IL6ST: variants seen among roughly 807,000 people sequenced by gnomAD.
The protein encoded by IL6ST is interleukin-6 receptor subunit beta.
A neutral mutation model predicts 91.3 loss-of-function variants in IL6ST; 24 were observed. The observed-to-expected ratio is 0.26, with a 90% confidence interval of 0.19 to 0.37. The LOEUF (loss-of-function observed/expected upper bound fraction) is 0.37. Ranked by LOEUF, IL6ST falls within the 10% of genes least tolerant of loss-of-function variation. The pLI is 1.00. For synonymous variants in IL6ST, 351 were observed against 373.6 expected, an observed-to-expected ratio of 0.94 and a Z score of 0.70; for missense variants, 914 against 1,078.5, an observed-to-expected ratio of 0.85 and a Z score of 2.14.
intron 11 of IL6ST, 45 bp downstream of exon 11, chr5:55,954,765 A>G: frequency 7.0e-7 from 1 of 1,437,320 alleles, no homozygotes; most frequent in Non-Finnish European, 9.5e-7. Context: ...CTGCCTAAAG[A>G]GTTAGAAAAA....
chr5:55,968,160 T>A (rs551391761), intron 5 of IL6ST, 116 bp downstream of exon 5: 82 of 978,186 alleles, frequency 8.4e-5, no homozygotes, highest in Non-Finnish European at 9.6e-5. Flanking sequence ...TGTTACAGAA[T>A]AAAAAATTAA....
chr5:55,994,631 G>A (rs1429514900), intron 1 of IL6ST, among the ~76,000 whole-genome samples, 153 bp downstream of exon 1: 4 of 152,118 alleles, frequency 2.6e-5, no homozygotes, highest in African/African-American at 9.7e-5. Context: ...GGAGCAGGAA[G>A]GGGAAGGAAT....
chr5:55,954,594 A>G (rs1349653684), intron 11 of IL6ST, among the ~76,000 whole-genome samples: 1 of 152,216 alleles, frequency 6.6e-6, no homozygotes, highest in Admixed American at 6.5e-5. Flanking sequence ...ATATTGGGGT[A>G]CAAAAAGAAG....
Position 55,969,730 on chromosome 5 carries a change from A to G in IL6ST, c.190T>C (p.Tyr64His), listed in dbSNP as rs1038880190. Residue 64 changes from tyrosine (Y) to histidine (H), a missense_variant, in exon 4 of 17, where the codon TAC becomes CAC. Coordinates refer to ENST00000381298, the MANE Select transcript of IL6ST (RefSeq NM_002184.4). ...CMDYFHVNAN[Y>H]IVWKTNHFTI... is the part of the protein sequence containing the mutation. ...AAATGGTTTGTTTTCCAGACAATGT[A>G]ATTAGCATTTACATGAAAATAATCC... The G allele has an allele frequency of 5.0e-6, 8 of 1,611,880 alleles. No homozygotes were observed. The highest frequency in any genetic ancestry group is 6.8e-6 in the Non-Finnish European group (8 of 1,178,152).
At position 55,935,718 on chromosome 5, in the gene IL6ST, T is replaced by C. The variant is rs187799556; in HGVS notation, c.*5364A>G. 4.6e-6 allele frequency: 1 copy of C among 217,372 alleles called. No individual in the cohort carries two copies. The highest frequency in any genetic ancestry group is 5.8e-5 in the Admixed American group (1 of 17,204). 13.5% of individuals were successfully genotyped at this position (217,372 alleles called of 1,614,324 possible). The stretch of plus-strand genomic sequence containing the variant: ...TGGAAGAGCCTATACGCAGTTGTAA[T>C]ATATTTCGTATTTTGAAAGTGTAGA... On this transcript the variant is annotated 3_prime_UTR_variant, in exon 17 of 17. Transcript: ENST00000381298.
rs923614315 is a variant in IL6ST, at chr5:55,935,155, T to C, written c.*5927A>G. On this transcript the variant is annotated 3_prime_UTR_variant, in exon 17 of 17. Transcript: ENST00000381298. The stretch of plus-strand genomic sequence containing the variant: ...TGGATTACCACCATATAGCTCACCA[T>C]GTTATCCCAGAAAGACTACAATTTC... 3.9e-5 allele frequency: 7 copies of C among 178,346 alleles called. No homozygotes were observed. Among genetic ancestry groups the C allele is most frequent in the African/African-American group, 1.7e-4 (7 of 42,282 alleles). 11.0% of individuals were successfully genotyped at this position (178,346 alleles called of 1,614,324 possible). A position where few individuals can be genotyped will look rare whatever the true frequency, so the allele number is the denominator to read the frequency against.
intron 4 of IL6ST, 130 bp from the exon 5 acceptor site, chr5:55,968,526 A>C: frequency 1.3e-6 from 1 of 748,096 alleles, no homozygotes; most frequent in South Asian, 1.7e-5. Context: ...AAGTATGGAC[A>C]CAATGAAAGG....
intron 14 of IL6ST, among the ~76,000 whole-genome samples, chr5:55,950,619 C>T (rs1486330703): frequency 1.3e-5 from 2 of 149,326 alleles, no homozygotes; most frequent in African/African-American, 4.9e-5. Flanking sequence ...GGAGACTGTG[C>T]TAGCAGAAAA....
chr5:55,941,150 T>C lies in IL6ST; in HGVS notation c.2689A>G (p.Thr897Ala), dbSNP rs755933713. 1 of 1,614,098 alleles carries C rather than the reference T, an allele frequency of 6.2e-7. No homozygotes were observed. Among genetic ancestry groups the C allele is most frequent in the Non-Finnish European group, 8.5e-7 (1 of 1,179,936 alleles). Reference sequence around the variant, plus strand: ...TAACTTTTAGGCATGCCTTCATCAGTCGCAGCCTCCATGCCAACTGTTTCA... The same window carrying C: ...TAACTTTTAGGCATGCCTTCATCAGCCGCAGCCTCCATGCCAACTGTTTCA... ...RFETVGMEAA[T>A]DEGMPKSYLP... Residue 897 changes from threonine to alanine, a missense_variant, in exon 17 of 17, where the codon ACT becomes GCT. By Grantham distance (58) the Thr-to-Ala change is moderately conservative (BLOSUM62 0). Transcript: ENST00000381298.
At chr5:55,983,599 T>C (rs533714404) in intron 1 of IL6ST, among the ~76,000 whole-genome samples, 5 of 152,210 alleles carry the variant, frequency 3.3e-5, no homozygotes, top group African/African-American at 1.2e-4. Context: ...TCCATTATTG[T>C]TTCATACACA....
chr5:55,963,238 G>T, intron 7 of IL6ST, 114 bp downstream of exon 7: 2 of 740,802 alleles, frequency 2.7e-6, no homozygotes, highest in Non-Finnish European at 4.4e-6. Flanking sequence ...AGGTTATCAA[G>T]CAAAATATTT....
chr5:55,966,148 T>C (rs1752616380), intron 5 of IL6ST, among the ~76,000 whole-genome samples: 1 of 152,192 alleles, frequency 6.6e-6, no homozygotes, highest in Admixed American at 6.5e-5. Context: ...TATATACAAA[T>C]TATAATCACT....
intron 5 of IL6ST, among the ~76,000 whole-genome samples, chr5:55,966,794 TG>T (rs1312470655): frequency 6.6e-6 from 1 of 152,080 alleles, no homozygotes; most frequent in Non-Finnish European, 1.5e-5. Context: ...CTTTTCTGTT[TG>T]GAAAAAACAA....
Position 55,968,355 on chromosome 5 carries a change from C to T in IL6ST, c.412G>A (p.Glu138Lys), listed in dbSNP as rs764426398. The change falls in exon 5 of 17, where the codon GAG becomes AAG. Residue 138 changes from glutamate (E) to lysine (K), a missense_variant. By Grantham distance (56) the Glu-to-Lys change is moderately conservative. Transcript: ENST00000381298. ...CACTCACACCTCATTTTCTTCCCCT[C>T]GTTCACAATGCAACTCAAATTTTTA... ...KPKNLSCIVNEGKKMRCEWDG... is the reference protein window; with the variant it reads ...KPKNLSCIVNKGKKMRCEWDG... The T allele has an allele frequency of 1.9e-6, 3 of 1,610,748 alleles. No homozygotes were observed. Among genetic ancestry groups the T allele is most frequent in the Admixed American group, 1.7e-5 (1 of 59,332 alleles).
chr5:55,947,412 A>G lies in IL6ST; in HGVS notation c.1937+81T>C. 3 of 791,694 alleles carry G rather than the reference A, an allele frequency of 3.8e-6. No homozygotes were observed. In the South Asian group the frequency reaches 4.6e-5, roughly 12 times the overall value. 49.0% of individuals were successfully genotyped at this position (791,694 alleles called of 1,614,324 possible). A position where few individuals can be genotyped will look rare whatever the true frequency, so the allele number is the denominator to read the frequency against. ...CAAAAATTCATCAAACTGTACACTT[A>G]AAATGGATAAATTTTATTGCATGTA... On this transcript the variant is annotated intron_variant, in intron 15 of 16. Transcript: ENST00000381298.
At chr5:55,952,463 C>T (rs1751694287) in intron 11 of IL6ST, 112 bp from the exon 12 acceptor site, 1 of 583,768 alleles carries the variant, frequency 1.7e-6, no homozygotes. Context: ...TCTTTTAAAA[C>T]TGCAGTTTTC....
intron 7 of IL6ST, among the ~76,000 whole-genome samples, chr5:55,962,813 C>A (rs1345354183): frequency 6.6e-6 from 1 of 152,082 alleles, no homozygotes; most frequent in Admixed American, 6.6e-5. Flanking sequence ...TTGTAACACC[C>A]ATCAAAAATG....
intron 3 of IL6ST, among the ~76,000 whole-genome samples, chr5:55,970,135 CT>C (rs1381799505): frequency 2.6e-5 from 4 of 152,178 alleles, no homozygotes; most frequent in Non-Finnish European, 5.9e-5. Flanking sequence ...GAAACACAGA[CT>C]GCCTGCAGCA....
At chr5:55,993,829 A>G (rs539350202) in intron 1 of IL6ST, among the ~76,000 whole-genome samples, 2 of 152,342 alleles carry the variant, frequency 1.3e-5, no homozygotes, top group East Asian at 3.9e-4. Context: ...GCACACAGCT[A>G]AACTGATGAT....
Sources: allele counts gnomAD v4.1 joint callset (sites outside exome capture counted in the v4.1 genomes callset), GRCh38; gene constraint gnomAD v4.1.1; transcripts MANE v1.5; gene names NCBI Gene and HGNC (gene_info 2026-07-23, HGNC 2026-07-21).